WDR7: variants seen among roughly 807,000 people sequenced by gnomAD.
The protein encoded by WDR7 is WD repeat-containing protein 7.
In WDR7, 46 loss-of-function variants were observed where a neutral mutation model predicts 169.4. The observed-to-expected ratio is 0.27, with a 90% CI of 0.21 to 0.35. WDR7 has a LOEUF of 0.35. Among genes scored for constraint, WDR7 ranks in the 10% least tolerant of loss-of-function variants. The pLI is 1.00. For synonymous variants in WDR7, 612 were observed against 666.8 expected (o/e 0.92, Z 1.27); for missense variants, 1,534 against 1,859.3 (o/e 0.83, Z 3.22).
At chr18:56,791,992 AT>A (rs141664781) in intron 19 of WDR7, among the ~76,000 whole-genome samples, 9 of 150,494 alleles carry the variant, frequency 6.0e-5, no homozygotes, top group South Asian at 2.1e-4. Context: ...GAAAAATACA[AT>A]TTTTTTTTTC....
intron 14 of WDR7, among the ~76,000 whole-genome samples, chr18:56,743,032 A>G (rs924789273): frequency 3.3e-5 from 5 of 152,200 alleles, no homozygotes; most frequent in Non-Finnish European, 5.9e-5. Context: ...TAGGGAGGAG[A>G]GTTTAAATTC....
intron 24 of WDR7, 123 bp from the exon 25 acceptor site, chr18:56,939,187 AT>A (rs1479367247): frequency 1.6e-6 from 1 of 610,724 alleles, no homozygotes; most frequent in Non-Finnish European, 2.6e-6. Context: ...TTTTGTTTTT[AT>A]TTTAAATACT....
chr18:57,020,548 T>A (rs1031118920), intron 26 of WDR7, among the ~76,000 whole-genome samples, 197 bp from the exon 27 acceptor site: 1 of 152,222 alleles, frequency 6.6e-6, no homozygotes, highest in Admixed American at 6.5e-5. Context: ...AGAACAAGAT[T>A]GAAGCCCTTG....
intron 26 of WDR7, among the ~76,000 whole-genome samples, chr18:56,968,709 C>T (rs1310731473): frequency 1.3e-5 from 2 of 152,172 alleles, no homozygotes. Context: ...ACAGCACCCC[C>T]TCCACCCCAC....
Position 56,928,844 on chromosome 18 carries a change from AC to A in WDR7, c.3713+4739del, listed in dbSNP as rs373019496. Among the ~76,000 whole-genome samples the A allele has an allele frequency of 1.3e-3, 198 of 152,214 alleles. 1 individual carries two copies. The highest frequency in any genetic ancestry group is 4.6e-3 in the African/African-American group (191 of 41,526). ...AGTTACTGAAAAAAATAAGATTCAA[AC>A]CCTACTCTAGCTTATTCCAAAAGCC... On this transcript the variant is annotated intron_variant, in intron 22 of 27. Coordinates refer to ENST00000254442, the MANE Select transcript of WDR7 (RefSeq NM_015285.3).
At chr18:56,847,795 G>A (rs1013373642) in intron 20 of WDR7, among the ~76,000 whole-genome samples, 3 of 152,220 alleles carry the variant, frequency 2.0e-5, no homozygotes, top group Non-Finnish European at 4.4e-5. Context: ...AGCCTTGGTG[G>A]CTTCCACATC....
At chr18:56,866,444 G>T (rs936151245) in intron 20 of WDR7, among the ~76,000 whole-genome samples, 1 of 151,676 alleles carries the variant, frequency 6.6e-6, no homozygotes, top group Middle Eastern at 3.4e-3. Flanking sequence ...TTAAGTAAAA[G>T]GTGGACTTCA....
chr18:56,990,413 G>A (rs1016792503), intron 26 of WDR7, among the ~76,000 whole-genome samples: 14 of 152,050 alleles, frequency 9.2e-5, no homozygotes, highest in Admixed American at 2.6e-4. Context: ...CCACCTTTAC[G>A]TTTCATTTTA....
At chr18:56,792,223 G>A (rs1219305232) in intron 19 of WDR7, among the ~76,000 whole-genome samples, 1 of 152,098 alleles carries the variant, frequency 6.6e-6, no homozygotes, top group Non-Finnish European at 1.5e-5. Flanking sequence ...TTCCTATGTT[G>A]CCCAAGCTGG....
chr18:56,722,676 A>T (rs2026348141), intron 13 of WDR7, among the ~76,000 whole-genome samples: 1 of 152,204 alleles, frequency 6.6e-6, no homozygotes, highest in Non-Finnish European at 1.5e-5. Context: ...CTCTGTAGTT[A>T]CCATTTTCAT....
Position 56,962,463 on chromosome 18 carries a change from C to T in WDR7, c.4098C>T (p.His1366=). 6.2e-7 allele frequency: 1 copy of T among 1,613,012 alleles called. No homozygotes were observed. Among genetic ancestry groups the T allele is most frequent in the Non-Finnish European group, 8.5e-7 (1 of 1,179,322 alleles). Residue 1366 remains histidine (H), a synonymous_variant, in exon 26 of 28, where the codon CAC becomes CAT. Transcript: ENST00000254442. ...FYMVSYYERN[H]RIAVGARHGS... ...TGGTCAGCTATTATGAGCGGAATCA[C>T]AGAATAGCAGTTGGAGCTCGCCATG...
intron 19 of WDR7, among the ~76,000 whole-genome samples, chr18:56,815,280 T>A (rs1392182398): frequency 3.9e-5 from 6 of 152,188 alleles, no homozygotes; most frequent in Non-Finnish European, 7.3e-5. Flanking sequence ...TTGATAACCA[T>A]GTGAAAAATA....
At chr18:56,961,966 ATAGAG>A (rs1322114389) in intron 25 of WDR7, among the ~76,000 whole-genome samples, 2 of 152,238 alleles carry the variant, frequency 1.3e-5, no homozygotes, top group African/African-American at 4.8e-5. Flanking sequence ...ACAATCATAA[ATAGAG>A]TAAATAGTGT....
rs984779842 is a variant in WDR7, at chr18:56,651,583, G to C, written c.-20+7G>C. On this transcript the variant is annotated splice_region_variant and intron_variant, in intron 1 of 27. Transcript: ENST00000254442. Reference sequence around the variant, plus strand: ...TGAGATGAAGCTGTGACAGGTAAGGGGGCTTTCAAGCTTCTCCATGGGAAA... The same window carrying C: ...TGAGATGAAGCTGTGACAGGTAAGGCGGCTTTCAAGCTTCTCCATGGGAAA... The C allele has an allele frequency of 6.6e-6, 1 of 152,528 alleles. No homozygotes were observed. Among genetic ancestry groups the C allele is most frequent in the African/African-American group, 2.4e-5 (1 of 41,454 alleles). The allele number at this position is 152,528 out of a possible 1,614,324, so 9.4% of individuals were successfully genotyped here. A position where few individuals can be genotyped will look rare whatever the true frequency, so the allele number is the denominator to read the frequency against.
intron 5 of WDR7, 100 bp downstream of exon 5, chr18:56,682,953 A>G: frequency 1.6e-6 from 2 of 1,273,436 alleles, no homozygotes; most frequent in Non-Finnish European, 2.2e-6. Flanking sequence ...TTTGGGATAT[A>G]TTCTTCTATG....
chr18:56,961,720 C>T (rs1027821520), intron 25 of WDR7, among the ~76,000 whole-genome samples: 26 of 152,104 alleles, frequency 1.7e-4, no homozygotes, highest in African/African-American at 6.3e-4. Flanking sequence ...CTCTTACAAT[C>T]TTCAAACCAT....
chr18:56,700,157 T>C (rs1446034438), intron 12 of WDR7, among the ~76,000 whole-genome samples: 1 of 152,058 alleles, frequency 6.6e-6, no homozygotes, highest in African/African-American at 2.4e-5. Context: ...TATAGTATTA[T>C]GTAGAGTACT....
chr18:56,651,716 A>C (rs1220963310), intron 1 of WDR7, 140 bp downstream of exon 1: 1 of 152,406 alleles, frequency 6.6e-6, no homozygotes, highest in Non-Finnish European at 1.5e-5. Flanking sequence ...CTGCGGCTGC[A>C]AGCCTGCAGG....
rs914536414 is a variant in WDR7, at chr18:56,980,344, A to C, written c.4164+17815A>C. On this transcript the variant is annotated intron_variant, in intron 26 of 27. Coordinates refer to ENST00000254442, the MANE Select transcript of WDR7 (RefSeq NM_015285.3). ...CACCCCCAGATTGCATTTGCATACC[A>C]GACGCTCTGGCAGTGGTGTGGAGCC... 2.0e-5 allele frequency among the ~76,000 whole-genome samples: 3 copies of C among 152,170 alleles called. No individual in the cohort carries two copies. In the East Asian group the frequency reaches 5.8e-4, roughly 29 times the overall value.
Sources: gnomAD v4.1 joint callset for allele counts (sites outside exome capture counted in the v4.1 genomes callset) on GRCh38, gnomAD v4.1.1 for gene constraint, MANE v1.5 for transcripts, NCBI Gene and HGNC (gene_info 2026-07-23, HGNC 2026-07-21) for gene names.